The following TAFA1 variants were observed in gnomAD, a reference collection of about 807,000 sequenced individuals.
TAFA1 encodes the protein TAFA chemokine like family member 1.
TAFA1 carries 4 observed loss-of-function variants against 18.5 expected under a neutral mutation model. The observed-to-expected ratio is 0.22, with a 90% CI of 0.11 to 0.49. The LOEUF (loss-of-function observed/expected upper bound fraction) is 0.49. Among genes scored for constraint, TAFA1 ranks in the 20% least tolerant of loss-of-function variants. TAFA1 has a pLI of 0.98. For synonymous variants in TAFA1, 56 were observed against 55.2 expected (o/e 1.01, Z -0.06); for missense variants, 147 against 169.0 (o/e 0.87, Z 0.72).
chr3:68,127,095 C>T (rs1438666247), intron 2 of TAFA1, among the ~76,000 whole-genome samples: 1 of 152,174 alleles, frequency 6.6e-6, no homozygotes, highest in East Asian at 1.9e-4. Context: ...ACTGTAAACT[C>T]ATGAATAATC....
chr3:68,541,141 C>T (rs2073366708), intron 4 of TAFA1, among the ~76,000 whole-genome samples: 2 of 152,206 alleles, frequency 1.3e-5, no homozygotes, highest in Admixed American at 1.3e-4. Context: ...GTGAGCTGCA[C>T]ATCAGTCAGC....
At chr3:68,460,333 A>G (rs1177936033) in intron 3 of TAFA1, among the ~76,000 whole-genome samples, 1 of 152,122 alleles carries the variant, frequency 6.6e-6, no homozygotes, top group Non-Finnish European at 1.5e-5. Flanking sequence ...GAAGATGTCA[A>G]TACAAGGATG....
intron 2 of TAFA1, among the ~76,000 whole-genome samples, chr3:68,197,371 A>G (rs183582959): frequency 7.9e-5 from 12 of 151,822 alleles, no homozygotes; most frequent in Non-Finnish European, 1.0e-4. Flanking sequence ...ATTTGCCTTT[A>G]TAAGATCAGG....
At chr3:68,442,856 T>C (rs2071408941) in intron 3 of TAFA1, among the ~76,000 whole-genome samples, 1 of 152,160 alleles carries the variant, frequency 6.6e-6, no homozygotes, top group South Asian at 2.1e-4. Context: ...AGATAGCTGA[T>C]AAGGATTGAG....
chr3:68,491,894 T>G (rs1396265099), intron 3 of TAFA1, among the ~76,000 whole-genome samples: 1 of 152,138 alleles, frequency 6.6e-6, no homozygotes, highest in East Asian at 1.9e-4. Context: ...CCCAGAAATC[T>G]GCATCTTAAC....
intron 3 of TAFA1, among the ~76,000 whole-genome samples, chr3:68,446,955 G>T (rs1284070053): frequency 6.6e-6 from 1 of 152,122 alleles, no homozygotes; most frequent in African/African-American, 2.4e-5. Flanking sequence ...TACCTTAGGG[G>T]CACTAATTAT....
At chr3:68,343,455 G>A (rs2106757842) in intron 2 of TAFA1, among the ~76,000 whole-genome samples, 1 of 152,278 alleles carries the variant, frequency 6.6e-6, no homozygotes, top group South Asian at 2.1e-4. Flanking sequence ...TCTTACAAAT[G>A]TTATGTATGA....
chr3:68,387,080 A>G (rs191037433), intron 2 of TAFA1, among the ~76,000 whole-genome samples: 117 of 150,294 alleles, frequency 7.8e-4, no homozygotes, highest in Admixed American at 5.7e-3. Context: ...TGGTGTCTGC[A>G]TGCAGACACT....
intron 3 of TAFA1, among the ~76,000 whole-genome samples, chr3:68,421,732 G>GT (rs1190330063): frequency 1.3e-5 from 2 of 151,938 alleles, no homozygotes; most frequent in African/African-American, 4.8e-5. Context: ...TCTATATAAT[G>GT]TTTTTTGCAC....
At chr3:68,282,107 A>G (rs2067908919) in intron 2 of TAFA1, among the ~76,000 whole-genome samples, 1 of 152,172 alleles carries the variant, frequency 6.6e-6, no homozygotes, top group Non-Finnish European at 1.5e-5. Flanking sequence ...AAACCATCAG[A>G]TCTCATGAGA....
intron 2 of TAFA1, among the ~76,000 whole-genome samples, chr3:68,065,740 G>GTATATATA (rs60396289): frequency 1.7e-4 from 23 of 133,448 alleles, no homozygotes; most frequent in African/African-American, 4.5e-4. Context: ...GTGTGTGTGT[G>GTATATATA]TATATATATA....
chr3:68,415,129 C>A (rs556470766), intron 2 of TAFA1, among the ~76,000 whole-genome samples: 1 of 152,278 alleles, frequency 6.6e-6, no homozygotes, highest in African/African-American at 2.4e-5. Context: ...CAAGTTGCAG[C>A]CTTCTTTCTT....
the TAFA1 span, among the ~76,000 whole-genome samples, chr3:67,992,038 G>A: frequency 6.6e-6 from 1 of 152,124 alleles, no homozygotes; most frequent in African/African-American, 2.4e-5. Context: ...TTTAGGAATG[G>A]TTAAATGATT....
chr3:68,545,201 C>T lies in TAFA1; in HGVS notation c.*698C>T, dbSNP rs1020424247. Reference sequence around the variant, plus strand: ...TTATATTCAATTGATATATAATAACCGTTCTAACCTCTTCCAGGAAAATAT... The same window carrying T: ...TTATATTCAATTGATATATAATAACTGTTCTAACCTCTTCCAGGAAAATAT... On this transcript the variant is annotated 3_prime_UTR_variant, in exon 5 of 5. Transcript: ENST00000478136. 7.9e-5 allele frequency: 12 copies of T among 152,524 alleles called. No individual in the cohort carries two copies. The highest frequency in any genetic ancestry group is 3.8e-4 in the East Asian group (2 of 5,196). The allele number at this position is 152,524 out of a possible 1,614,324, so 9.4% of individuals were successfully genotyped here.
intron 3 of TAFA1, among the ~76,000 whole-genome samples, chr3:68,538,327 C>G (rs2073309784): frequency 6.6e-6 from 1 of 152,112 alleles, no homozygotes; most frequent in Non-Finnish European, 1.5e-5. Context: ...ACTTTGTGGC[C>G]TTTCATTAGT....
intron 3 of TAFA1, among the ~76,000 whole-genome samples, chr3:68,440,751 T>C (rs554365120): frequency 5.9e-5 from 9 of 152,146 alleles, no homozygotes; most frequent in Non-Finnish European, 8.8e-5. Flanking sequence ...TAAGATCTCT[T>C]GTATTCCACA....
At chr3:68,005,404 T>A (rs966985342) in intron 1 of TAFA1, among the ~76,000 whole-genome samples, 1 of 152,236 alleles carries the variant, frequency 6.6e-6, no homozygotes, top group Non-Finnish European at 1.5e-5. Context: ...GTTGTCACCA[T>A]TTGTCTATTA....
intron 2 of TAFA1, among the ~76,000 whole-genome samples, chr3:68,061,474 A>T (rs770359932): frequency 8.5e-5 from 13 of 152,164 alleles, no homozygotes; most frequent in Non-Finnish European, 1.8e-4. Context: ...GCATAGTGGG[A>T]ATCAGTGCAG....
chr3:68,382,115 C>G (rs2069975512), intron 2 of TAFA1, among the ~76,000 whole-genome samples: 1 of 152,164 alleles, frequency 6.6e-6, no homozygotes, highest in African/African-American at 2.4e-5. Context: ...AGCCTTGCAT[C>G]CCAGAGATGA....
Sources: gnomAD v4.1 joint callset for allele counts (sites outside exome capture counted in the v4.1 genomes callset) on GRCh38, gnomAD v4.1.1 for gene constraint, MANE v1.5 for transcripts, NCBI Gene and HGNC (gene_info 2026-07-23, HGNC 2026-07-21) for gene names.